Variants in WRAP53 observed in about 807,000 individuals in gnomAD.
WRAP53 encodes telomerase Cajal body protein 1.
Under a neutral mutation model 56.6 loss-of-function variants are expected in WRAP53, and 28 were observed. The ratio of observed to expected loss-of-function variants is 0.50; its 90% CI spans 0.37 to 0.68. WRAP53 has a LOEUF of 0.68. Among genes scored for constraint, WRAP53 ranks in the 30% least tolerant of loss-of-function variants. WRAP53 has a pLI of 0.00. For missense variants in WRAP53, 671 were observed against 715.5 expected (o/e 0.94, Z 0.71); for synonymous variants, 283 against 283.4 (o/e 1.00, Z 0.01).
Position 7,688,573 on chromosome 17 carries a change from T to A in WRAP53, c.-2+12T>A, listed in dbSNP as rs2074052762. 1 of 1,545,536 alleles carries A rather than the reference T, an allele frequency of 6.5e-7. No homozygotes were observed. The highest frequency in any genetic ancestry group is 1.9e-5 in the Admixed American group (1 of 53,964). On this transcript the variant is annotated intron_variant, in intron 1 of 10. Coordinates refer to ENST00000396463, the MANE Select transcript of WRAP53 (RefSeq NM_001143992.2). Reference sequence around the variant, plus strand: ...GGAGGGAAGCACAGGTGGGTTTCTTTAGCTCTGCGTCGGATCCCTGAGAAC... The same window carrying A: ...GGAGGGAAGCACAGGTGGGTTTCTTAAGCTCTGCGTCGGATCCCTGAGAAC...
At position 7,689,238 on chromosome 17, in the gene WRAP53, G is replaced by C. The variant is rs753461311; in HGVS notation, c.446G>C (p.Ser149Thr). 1 of 1,613,934 alleles carries C rather than the reference G, an allele frequency of 6.2e-7. No individual in the cohort carries two copies. Among genetic ancestry groups the C allele is most frequent in the South Asian group, 1.1e-5 (1 of 91,040 alleles). ...CTTCCTTTCAGCGCTTGGAACTACA[G>C]CTTCTCCCAGCTGCCTCGATTTCTC... is the stretch of plus-strand genomic sequence containing the variant. ...EDEGDTAWNY[S>T]FSQLPRFLSG... Residue 149 changes from serine to threonine, a missense_variant, in exon 3 of 11, where the codon AGC becomes ACC. By Grantham distance (58) the Ser-to-Thr change is moderately conservative. Around this residue, in one of 3 missense-constraint regions of WRAP53, gnomAD observed 406 missense variants for 418.5 expected, o/e 0.97. Transcript: ENST00000396463.
rs370177292 is a variant in WRAP53, at chr17:7,689,720, T to C, written c.642+19T>C. 1 of 1,578,882 alleles carries C rather than the reference T, an allele frequency of 6.3e-7. No homozygotes were observed. Among genetic ancestry groups the C allele is most frequent in the Non-Finnish European group, 8.7e-7 (1 of 1,148,314 alleles). ...AGAAATGGTAAGGACTGGGGCTAAC[T>C]GCCTCTTCATCAATGCTGCACATTT... On this transcript the variant is annotated intron_variant, in intron 4 of 10. Transcript: ENST00000396463.
chr17:7,698,948 A>G (rs1342018038), intron 4 of WRAP53, among the ~76,000 whole-genome samples: 1 of 151,838 alleles, frequency 6.6e-6, no homozygotes, highest in East Asian at 1.9e-4. Flanking sequence ...CCCAGTTACT[A>G]GGGAGGCTGA....
At chr17:7,687,285 C>T, upstream of WRAP53, 1 of 398,578 alleles carries the variant, frequency 2.5e-6, no homozygotes. Flanking sequence ...ACTGCCCCAC[C>T]CCCAGCCCCA....
In WRAP53 at chr17:7,700,761, G is replaced by T; in HGVS notation, c.663G>T (p.Val221=). 6.2e-7 allele frequency: 1 copy of T among 1,612,836 alleles called. No homozygotes were observed. Among genetic ancestry groups the T allele is most frequent in the Non-Finnish European group, 8.5e-7 (1 of 1,179,146 alleles). Residue 221 remains valine, a synonymous_variant, in exon 5 of 11, where the codon GTG becomes GTT. Transcript: ENST00000396463. ...TATAGGTCCCTGTCCTTCGAATGGTGGAAGGTGATACCATCTATGATTACT... is the reference window on the plus strand; with the variant it reads ...TATAGGTCCCTGTCCTTCGAATGGTTGAAGGTGATACCATCTATGATTACT... ...YAEMVPVLRM[V]EGDTIYDYCW...
chr17:7,700,939 G>A lies in WRAP53; in HGVS notation c.731+110G>A. Reference sequence around the variant, plus strand: ...TCTTTGGAGGAGGAAGGCTTGGCATGCTTATCAGAGGGGCTGGTCAGTTGG... The same window carrying A: ...TCTTTGGAGGAGGAAGGCTTGGCATACTTATCAGAGGGGCTGGTCAGTTGG... On this transcript the variant is annotated intron_variant, in intron 5 of 10. Coordinates refer to ENST00000396463, the MANE Select transcript of WRAP53 (RefSeq NM_001143992.2). The A allele has an allele frequency of 3.7e-6, 3 of 807,234 alleles. No individual in the cohort carries two copies. In the South Asian group the frequency reaches 4.1e-5, roughly 11 times the overall value. 50.0% of individuals were successfully genotyped at this position (807,234 alleles called of 1,614,324 possible).
intron 4 of WRAP53, among the ~76,000 whole-genome samples, chr17:7,699,496 A>ATATATT (rs1445149270): frequency 2.5e-4 from 3 of 12,202 alleles, no homozygotes; most frequent in Non-Finnish European, 2.7e-4. Flanking sequence ...ATATATATAT[A>ATATATT]TATATTTATA....
chr17:7,702,260 T>G lies in WRAP53; in HGVS notation c.956-84T>G. The G allele has an allele frequency of 6.9e-7, 1 of 1,458,440 alleles. No homozygotes were observed. The highest frequency in any genetic ancestry group is 9.6e-7 in the Non-Finnish European group (1 of 1,040,600). The allele number at this position is 1,458,440 out of a possible 1,614,324, so 90.3% of individuals were successfully genotyped here. A position where few individuals can be genotyped will look rare whatever the true frequency, so the allele number is the denominator to read the frequency against. ...ATGTTGAGTCCAAGCATGTTGGTGC[T>G]GGGACGGGAGACAGACCTCTGCTTA... On this transcript the variant is annotated intron_variant, in intron 7 of 10. Transcript: ENST00000396463. This position sits in a 1 kb window ranked among gnomAD's most constrained non-coding sequence, Gnocchi z 5.0.
rs771464995 is a variant in WRAP53 at position 7,703,259 on chromosome 17, C to A, written c.1420C>A (p.Pro474Thr). The A allele has an allele frequency of 6.2e-7, 1 of 1,613,660 alleles. No homozygotes were observed. Among genetic ancestry groups the A allele is most frequent in the Admixed American group, 1.7e-5 (1 of 60,022 alleles). The change falls in exon 11 of 11, where the codon CCT (proline) becomes ACT (threonine). Residue 474 changes from proline (P) to threonine (T), a missense_variant. Physicochemically the swap from Pro to Thr is conservative, Grantham distance 38. This residue lies in a region of WRAP53 where 158 missense variants were observed against 215.7 expected (regional missense o/e 0.73). Transcript: ENST00000396463. ...CTCCCTCAGCCTGCACCCTAGCCTG[C>A]CTCTCCTGGCCACTGCCTCCGGTCA... ...TNGVSLHPSL[P>T]LLATASGQRV...
chr17:7,688,602 G>C, intron 1 of WRAP53, 41 bp downstream of exon 1: 2 of 1,607,818 alleles, frequency 1.2e-6, no homozygotes, highest in Non-Finnish European at 1.7e-6. Context: ...TGAGAACTTC[G>C]AAGCCATCCT....
chr17:7,701,618 G>C lies in WRAP53; in HGVS notation c.823-39G>C. On this transcript the variant is annotated intron_variant, in intron 6 of 10. Coordinates refer to ENST00000396463, the MANE Select transcript of WRAP53 (RefSeq NM_001143992.2). The surrounding 1 kb of genome is among the most constrained non-coding windows in gnomAD (Gnocchi z 4.2). ...CTCTCCTTCCTTGAGGGCAGCTGAG[G>C]CTTTGCAAGACCTGTTTTCAGCCCT... is the stretch of plus-strand genomic sequence containing the variant. 3 of 1,614,258 alleles carry C rather than the reference G, an allele frequency of 1.9e-6. No homozygotes were observed. Among genetic ancestry groups the C allele is most frequent in the Non-Finnish European group, 2.5e-6 (3 of 1,180,052 alleles).
chr17:7,694,066 T>G (rs998281801), intron 4 of WRAP53, among the ~76,000 whole-genome samples: 3 of 152,042 alleles, frequency 2.0e-5, no homozygotes, highest in African/African-American at 7.2e-5. Context: ...GTGGATCACC[T>G]AAGGTCAGGA....
chr17:7,694,835 A>C (rs1052601299), intron 4 of WRAP53, among the ~76,000 whole-genome samples: 17 of 149,068 alleles, frequency 1.1e-4, no homozygotes, highest in South Asian at 2.1e-4. Flanking sequence ...CTCAAAACAA[A>C]CAACCAAAAC....
chr17:7,700,818 A>G lies in WRAP53; in HGVS notation c.720A>G (p.Pro240=), dbSNP rs199901527. ...ATTCTCTGATGTCCTCAGCCCAGCC[A>G]GACACCTCCTAGTAAGTAATGTTTG... ...CWYSLMSSAQ[P]DTSYVASSSR... is the part of the protein sequence containing the mutation. The change falls in exon 5 of 11, where the codon CCA becomes CCG. Residue 240 remains proline, a synonymous_variant. Coordinates refer to ENST00000396463, the MANE Select transcript of WRAP53 (RefSeq NM_001143992.2). 3.4e-4 allele frequency: 541 copies of G among 1,611,960 alleles called. No individual in the cohort carries two copies. The highest frequency in any genetic ancestry group is 4.1e-4 in the Non-Finnish European group (486 of 1,178,236).
chr17:7,702,353 A>C lies in WRAP53; in HGVS notation c.965A>C (p.Gln322Pro). The C allele has an allele frequency of 6.2e-7, 1 of 1,614,106 alleles. No homozygotes were observed. The part of the protein sequence containing the change: ...CEVRATFAKK[Q>P]GQSGIISCIA... Reference sequence around the variant, plus strand: ...TTCCTTCCCTCTCTAGCAAAAAAGCAGGGCCAGAGCGGCATCATCTCCTGC... The same window carrying C: ...TTCCTTCCCTCTCTAGCAAAAAAGCCGGGCCAGAGCGGCATCATCTCCTGC... The change falls in exon 8 of 11, where the codon CAG (glutamine) becomes CCG (proline). Residue 322 changes from glutamine (Q) to proline (P), a missense_variant. Around this residue, in one of 3 missense-constraint regions of WRAP53, gnomAD observed 406 missense variants for 418.5 expected, o/e 0.97. Transcript: ENST00000396463. This position sits in a 1 kb window ranked among gnomAD's most constrained non-coding sequence, Gnocchi z 5.0.
At chr17:7,695,030 G>A (rs1312215756) in intron 4 of WRAP53, among the ~76,000 whole-genome samples, 1 of 151,780 alleles carries the variant, frequency 6.6e-6, no homozygotes, top group Non-Finnish European at 1.5e-5. Context: ...TCAGCTCACT[G>A]CAAGCTCCGC....
chr17:7,687,519 A>G (rs1446279342), upstream of WRAP53: 11 of 398,526 alleles, frequency 2.8e-5, no homozygotes, highest in East Asian at 3.9e-4. Flanking sequence ...GCCAGTCTTG[A>G]GCACATGGGA....
Position 7,689,469 on chromosome 17 carries a change from G to C in WRAP53, c.531-121G>C, listed in dbSNP as rs928415437. 5 of 1,259,464 alleles carry C rather than the reference G, an allele frequency of 4.0e-6. No individual in the cohort carries two copies. The African/African-American group carries it at 7.4e-5, about 19-fold the overall frequency. 78.0% of individuals were successfully genotyped at this position (1,259,464 alleles called of 1,614,324 possible). On this transcript the variant is annotated intron_variant, in intron 3 of 10. Transcript: ENST00000396463. ...GAGCTTACATTTTATCTAGCAGTTT[G>C]TGTCTTCTACTTCCCTCAAGGATTC...
rs1285728158 is a variant in WRAP53 at position 7,693,717 on chromosome 17, C to A, written c.642+4016C>A. On this transcript the variant is annotated intron_variant, in intron 4 of 10. Coordinates refer to ENST00000396463, the MANE Select transcript of WRAP53 (RefSeq NM_001143992.2). ...TGGGCAAGAGAGCAAGACTTAGTCT[C>A]AAAAAAAAATAATAAAATTAAAAAA... is the stretch of plus-strand genomic sequence containing the variant. Among the ~76,000 whole-genome samples, 8 of 148,950 alleles carry A rather than the reference C, an allele frequency of 5.4e-5. No homozygotes were observed. The East Asian group carries it at 9.8e-4, about 18-fold the overall frequency.
Sources: gnomAD v4.1 joint callset for allele counts (sites outside exome capture counted in the v4.1 genomes callset) on GRCh38, gnomAD v4.1.1 for gene constraint, gnomAD v4.1.1 regional missense constraint, Gnocchi (gnomAD v3.1) non-coding constraint, MANE v1.5 for transcripts, NCBI Gene and HGNC (gene_info 2026-07-23, HGNC 2026-07-21) for gene names.